The following SETD4 variants were observed in gnomAD, a reference collection of about 807,000 sequenced individuals.
SETD4 encodes SET domain-containing protein 4.
A neutral mutation model predicts 58.3 loss-of-function variants in SETD4; 46 were observed. The ratio of observed to expected loss-of-function variants is 0.79; its 90% CI spans 0.62 to 1.01. The LOEUF is 1.01. SETD4 is among the 50% of genes least tolerant of loss of function. The pLI is 0.00. For synonymous variants in SETD4, 190 were observed against 202.6 expected (o/e 0.94, Z 0.53); for missense variants, 490 against 523.3 (o/e 0.94, Z 0.62).
At chr21:36,044,362 C>T (rs879368603) in intron 6 of SETD4, among the ~76,000 whole-genome samples, 9 of 152,252 alleles carry the variant, frequency 5.9e-5, no homozygotes, top group Non-Finnish European at 1.2e-4. Flanking sequence ...TTTTCACAAT[C>T]CTTTCAAAGT....
In SETD4 at chr21:36,046,408, G is replaced by C. The variant is rs568200130; in HGVS notation, c.297-397C>G. Among the ~76,000 whole-genome samples the C allele has an allele frequency of 3.3e-5, 5 of 152,320 alleles. No individual in the cohort carries two copies. The East Asian group carries it at 9.6e-4, about 29-fold the overall frequency. On this transcript the variant is annotated intron_variant, in intron 5 of 11. Coordinates refer to ENST00000332131, the MANE Select transcript of SETD4 (RefSeq NM_017438.5). ...TGGGGAAAAAATGGTGGAAAGAACT[G>C]AGACCTGCACCATCCGATATAGTAA...
chr21:36,049,498 T>C (rs1052389409), intron 4 of SETD4, among the ~76,000 whole-genome samples: 9 of 152,138 alleles, frequency 5.9e-5, no homozygotes, highest in African/African-American at 2.2e-4. Flanking sequence ...GAGGTGGCAG[T>C]GAGCCGAGAT....
At chr21:36,059,795 T>C in intron 1 of SETD4, 1 of 985,410 alleles carries the variant, frequency 1.0e-6, no homozygotes, top group African/African-American at 1.7e-5. Flanking sequence ...ATACCGCACT[T>C]CCGCAGTATA....
chr21:36,058,862 G>A lies in SETD4; in HGVS notation c.27C>T (p.Ser9=). MQKGKGRT[S]RIRRRKLCGS... is the part of the protein sequence containing the mutation. ...CGCAGAGTTTTCGTCTTCTGATCCG[G>A]CTTGTTCTCCCTTTTCCTTTCTGCA... Residue 9 remains serine (S), a synonymous_variant, in exon 2 of 12, where the codon AGC becomes AGT. Transcript: ENST00000332131. The A allele has an allele frequency of 6.2e-7, 1 of 1,601,080 alleles. No homozygotes were observed. Among genetic ancestry groups the A allele is most frequent in the Non-Finnish European group, 8.5e-7 (1 of 1,175,130 alleles).
In SETD4 at chr21:36,035,088, CTG is replaced by C. The variant is rs1332059967; in HGVS notation, c.*903_*904del. 1 of 152,198 alleles carries C rather than the reference CTG, an allele frequency of 6.6e-6. No individual in the cohort carries two copies. The highest frequency in any genetic ancestry group is 2.4e-5 in the African/African-American group (1 of 41,434). 9.4% of individuals were successfully genotyped at this position (152,198 alleles called of 1,614,324 possible). ...GAACCCTGGGAGGGTAAACAGGACT[CTG>C]GGCAACATTGTCTAAGCGGCGTCCC... On this transcript the variant is annotated 3_prime_UTR_variant, in exon 12 of 12. Transcript: ENST00000332131.
chr21:36,048,908 C>T lies in SETD4; in HGVS notation c.208-512G>A, dbSNP rs538554862. Reference sequence around the variant, plus strand: ...CTAATTTTTGTATTTTTAGTAGAGACAGGGTTTCACCTATTTCTTCACTTT... The same window carrying T: ...CTAATTTTTGTATTTTTAGTAGAGATAGGGTTTCACCTATTTCTTCACTTT... On this transcript the variant is annotated intron_variant, in intron 4 of 11. Transcript: ENST00000332131. Among the ~76,000 whole-genome samples the T allele has an allele frequency of 2.6e-5, 4 of 152,086 alleles. No individual in the cohort carries two copies. In the East Asian group the frequency reaches 7.8e-4, roughly 30 times the overall value.
At chr21:36,059,673 G>A in intron 1 of SETD4, 3 of 917,796 alleles carry the variant, frequency 3.3e-6, no homozygotes, top group Non-Finnish European at 3.9e-6. Flanking sequence ...GGGCGACAGA[G>A]CGAGACTCTG....
At chr21:36,051,241 A>G in intron 4 of SETD4, 1 of 1,604,074 alleles carries the variant, frequency 6.2e-7, no homozygotes, top group Non-Finnish European at 8.5e-7. Context: ...ACTGCTGTTG[A>G]CAACATAAGT....
At chr21:36,046,713 C>A (rs1240951361) in intron 5 of SETD4, among the ~76,000 whole-genome samples, 1 of 152,206 alleles carries the variant, frequency 6.6e-6, no homozygotes, top group Non-Finnish European at 1.5e-5. Flanking sequence ...AATTATGTAT[C>A]ACAGTATTTT....
intron 9 of SETD4, among the ~76,000 whole-genome samples, chr21:36,040,323 G>A (rs1267133818): frequency 6.6e-6 from 1 of 152,216 alleles, no homozygotes; most frequent in Non-Finnish European, 1.5e-5. Context: ...AGGAAAATAT[G>A]AGTAGAAACA....
Position 36,038,235 on chromosome 21 carries a change from G to C in SETD4, c.1103C>G (p.Ser368Ter). The C allele has an allele frequency of 1.2e-6, 2 of 1,614,026 alleles. No individual in the cohort carries two copies. Among genetic ancestry groups the C allele is most frequent in the Non-Finnish European group, 1.7e-6 (2 of 1,179,974 alleles). Residue 368 changes from serine to a stop codon, truncating the protein, a stop_gained, in exon 10 of 12, where the codon TCA becomes TGA. Transcript: ENST00000332131. LOFTEE classifies it high-confidence loss of function. ...WKKVLLGEVI[S>*]DTNEKTSLDI... Reference sequence around the variant, plus strand: ...CAAACTTGTCTTCTCATTCGTATCTGAAATTACCTCCCCAAGAAGTACTTT... The same window carrying C: ...CAAACTTGTCTTCTCATTCGTATCTCAAATTACCTCCCCAAGAAGTACTTT...
intron 5 of SETD4, 95 bp from the exon 6 acceptor site, chr21:36,046,106 A>G: frequency 1.5e-6 from 2 of 1,325,546 alleles, no homozygotes; most frequent in East Asian, 2.3e-5. Context: ...GAGTGTGTTC[A>G]AACTGTCAAC....
intron 8 of SETD4, among the ~76,000 whole-genome samples, chr21:36,041,087 G>C (rs1452389644): frequency 6.7e-6 from 1 of 149,276 alleles, no homozygotes; most frequent in Non-Finnish European, 1.5e-5. Flanking sequence ...GTGAACCCGG[G>C]AGGCAGAGCT....
chr21:36,043,550 T>C (rs1407395847), intron 7 of SETD4: 2 of 1,363,928 alleles, frequency 1.5e-6, no homozygotes, highest in African/African-American at 2.9e-5. Context: ...CATTCTATCT[T>C]CTGACCCAAT....
intron 3 of SETD4, among the ~76,000 whole-genome samples, chr21:36,054,745 T>A (rs935757882): frequency 2.1e-4 from 32 of 151,288 alleles, no homozygotes; most frequent in African/African-American, 7.8e-4. Flanking sequence ...AATTCCTGCC[T>A]CAAGTCTTCC....
intron 4 of SETD4, 31 bp downstream of exon 4, chr21:36,053,552 T>A: frequency 1.2e-6 from 2 of 1,613,124 alleles, no homozygotes; most frequent in Non-Finnish European, 1.7e-6. Flanking sequence ...AAATCTACAT[T>A]GGGTTTCAAG....
Position 36,036,120 on chromosome 21 carries a change from G to A in SETD4, c.1320C>T (p.Thr440=). The change falls in exon 11 of 12, where the codon ACC becomes ACT. Residue 440 remains threonine (T), a synonymous_variant. Transcript: ENST00000332131. The part of the protein sequence containing the change: ...ETLHSLQTAF[T] ...GACCAAATGCGCTTCGGTGAAATCA[G>A]GTAAAAGCTGTTTGCAAACTGTGCA... 1.2e-6 allele frequency: 2 copies of A among 1,614,158 alleles called. No homozygotes were observed. The highest frequency in any genetic ancestry group is 1.3e-5 in the African/African-American group (1 of 75,044).
In SETD4 at chr21:36,045,721, G is replaced by A. The variant is rs2064292222; in HGVS notation, c.587C>T (p.Ala196Val). 1 of 1,614,104 alleles carries A rather than the reference G, an allele frequency of 6.2e-7. No homozygotes were observed. Among genetic ancestry groups the A allele is most frequent in the Admixed American group, 1.7e-5 (1 of 60,004 alleles). ...GACGGTGCACCAAGCCCACAGCAGG[G>A]CACTGTAGCTGAAGATGCTGTCAAC... ...EAVDSIFSYSALLWAWCTVNT... is the reference protein window; with the variant it reads ...EAVDSIFSYSVLLWAWCTVNT... The change falls in exon 6 of 12, where the codon GCC becomes GTC. Residue 196 changes from alanine (A) to valine (V), a missense_variant. Coordinates refer to ENST00000332131, the MANE Select transcript of SETD4 (RefSeq NM_017438.5).
intron 2 of SETD4, chr21:36,057,507 A>C (rs2065047510): frequency 2.2e-5 from 13 of 597,814 alleles, no homozygotes; most frequent in Non-Finnish European, 3.0e-5. Context: ...CAATATTATA[A>C]TCTGAGGACC....
Sources: gnomAD v4.1 joint callset for allele counts (sites outside exome capture counted in the v4.1 genomes callset) on GRCh38, gnomAD v4.1.1 for gene constraint, MANE v1.5 for transcripts, NCBI Gene and HGNC (gene_info 2026-07-23, HGNC 2026-07-21) for gene names.